The following NDUFAF2 variants were observed in gnomAD, a reference collection of about 807,000 sequenced individuals.
NDUFAF2 encodes the protein NADH:ubiquinone oxidoreductase complex assembly factor 2, also known as NADH dehydrogenase [ubiquinone] 1 alpha subcomplex assembly factor 2.
NDUFAF2 carries 13 observed loss-of-function variants against 22.8 expected under a neutral mutation model. The ratio of observed to expected loss-of-function variants is 0.57; its 90% CI spans 0.37 to 0.91. The LOEUF (loss-of-function observed/expected upper bound fraction) is 0.91, where lower values mean the gene tolerates loss of function less well. Ranked by LOEUF, NDUFAF2 falls within the 40% of genes least tolerant of loss-of-function variation. NDUFAF2 has a pLI of 0.01. For missense variants in NDUFAF2, 162 were observed against 195.2 expected (o/e 0.83, Z 1.01); for synonymous variants, 53 against 64.2 (o/e 0.83, Z 0.84).
intron 3 of NDUFAF2, among the ~76,000 whole-genome samples, chr5:61,148,982 ATT>A: frequency 6.6e-6 from 1 of 152,202 alleles, no homozygotes; most frequent in South Asian, 2.1e-4. Context: ...TTATTCATTT[ATT>A]TTTTGAGACA....
chr5:61,115,516 GCTTCTATTTGGACCTCTTGCT>G (rs1752900941), intron 3 of NDUFAF2: 2 of 152,090 alleles, frequency 1.3e-5, no homozygotes, highest in African/African-American at 4.8e-5. Flanking sequence ...ATTAATGGAG[GCTTCTATTTGGACCTCTTGCT>G]CCCCTCTCCT....
intron 3 of NDUFAF2, among the ~76,000 whole-genome samples, chr5:61,142,057 C>T (rs572370374): frequency 1.5e-4 from 23 of 152,266 alleles, no homozygotes; most frequent in African/African-American, 5.5e-4. Context: ...TGCTTTTTCT[C>T]CCAGGGATTA....
At chr5:61,024,121 G>A (rs1236238832) in intron 1 of NDUFAF2, among the ~76,000 whole-genome samples, 1 of 151,928 alleles carries the variant, frequency 6.6e-6, no homozygotes, top group African/African-American at 2.4e-5. Context: ...TTACATATTG[G>A]CTTGGACTAT....
chr5:60,965,613 T>C (rs899276960), intron 1 of NDUFAF2, among the ~76,000 whole-genome samples: 2 of 152,148 alleles, frequency 1.3e-5, no homozygotes, highest in Non-Finnish European at 2.9e-5. Context: ...TGAAATCATG[T>C]GGTATATTTG....
chr5:61,041,589 T>C (rs1057001783), intron 1 of NDUFAF2, among the ~76,000 whole-genome samples: 4 of 152,216 alleles, frequency 2.6e-5, no homozygotes, highest in African/African-American at 9.6e-5. Context: ...TTGGTAGACT[T>C]AACTATGTGA....
At chr5:60,953,828 A>C (rs568001974) in intron 1 of NDUFAF2, among the ~76,000 whole-genome samples, 1 of 152,320 alleles carries the variant, frequency 6.6e-6, no homozygotes, top group African/African-American at 2.4e-5. Context: ...TTTAAAATGC[A>C]TGATTACATT....
At chr5:61,050,926 A>C (rs1752016908) in intron 1 of NDUFAF2, among the ~76,000 whole-genome samples, 1 of 152,154 alleles carries the variant, frequency 6.6e-6, no homozygotes, top group African/African-American at 2.4e-5. Context: ...GGCAGGAAAA[A>C]AAGAACTCTA....
At chr5:61,007,071 G>A (rs1184043212) in intron 1 of NDUFAF2, among the ~76,000 whole-genome samples, 1 of 152,076 alleles carries the variant, frequency 6.6e-6, no homozygotes, top group Non-Finnish European at 1.5e-5. Flanking sequence ...TAGATTGCCT[G>A]TTCATTCTGA....
At chr5:60,987,010 A>T (rs1751090657) in intron 1 of NDUFAF2, among the ~76,000 whole-genome samples, 1 of 151,750 alleles carries the variant, frequency 6.6e-6, no homozygotes, top group Non-Finnish European at 1.5e-5. Flanking sequence ...TTTTTTTGAA[A>T]GAATTAATAA....
At chr5:61,117,566 G>A (rs1382107974) in intron 3 of NDUFAF2, among the ~76,000 whole-genome samples, 1 of 151,928 alleles carries the variant, frequency 6.6e-6, no homozygotes, top group Non-Finnish European at 1.5e-5. Context: ...ATGTTGCCTA[G>A]GTTTATCTGC....
At chr5:61,033,893 A>T (rs1046409158) in intron 1 of NDUFAF2, among the ~76,000 whole-genome samples, 6 of 152,162 alleles carry the variant, frequency 3.9e-5, no homozygotes, top group African/African-American at 1.4e-4. Context: ...AATAAATACA[A>T]CCTGTTTCAT....
intron 3 of NDUFAF2, chr5:61,116,720 T>A (rs1054778988): frequency 6.6e-6 from 1 of 152,112 alleles, no homozygotes; most frequent in East Asian, 1.9e-4. Context: ...AAACCCTTTC[T>A]CACAAAGTGA....
chr5:61,029,031 T>C (rs1751691423), intron 1 of NDUFAF2, among the ~76,000 whole-genome samples: 1 of 152,112 alleles, frequency 6.6e-6, no homozygotes, highest in Admixed American at 6.6e-5. Flanking sequence ...CAGACCACTT[T>C]TCAGCAATCT....
At chr5:61,016,903 TGGCCACACTTGGTAAGATCA>T (rs1751518403) in intron 1 of NDUFAF2, among the ~76,000 whole-genome samples, 1 of 152,218 alleles carries the variant, frequency 6.6e-6, no homozygotes, top group Non-Finnish European at 1.5e-5. Flanking sequence ...ACCTGGTGCC[TGGCCACACTTGGTAAGATCA>T]GGCCTATCCC....
chr5:61,119,553 A>G (rs547566832), intron 3 of NDUFAF2, among the ~76,000 whole-genome samples: 1 of 152,346 alleles, frequency 6.6e-6, no homozygotes. Context: ...AAAGCTGGAA[A>G]GGATATATCC....
chr5:60,958,403 C>A (rs1393140769), intron 1 of NDUFAF2, among the ~76,000 whole-genome samples: 1 of 152,036 alleles, frequency 6.6e-6, no homozygotes, highest in East Asian at 1.9e-4. Flanking sequence ...ATTGAAAACA[C>A]ATTTTTTTCA....
intron 1 of NDUFAF2, among the ~76,000 whole-genome samples, chr5:61,048,930 G>T (rs1307339571): frequency 6.6e-6 from 1 of 152,086 alleles, no homozygotes; most frequent in Non-Finnish European, 1.5e-5. Context: ...ACTTTTTCAG[G>T]CTGCGTGGTT....
chr5:61,143,960 T>TTGTGTGTGTG (rs58281805), intron 3 of NDUFAF2, among the ~76,000 whole-genome samples: 14 of 98,222 alleles, frequency 1.4e-4, no homozygotes, highest in South Asian at 3.0e-4. Context: ...TGGCATATTT[T>TTGTGTGTGTG]TGTGTGTGTG....
chr5:61,134,722 C>A (rs574763023), intron 3 of NDUFAF2, among the ~76,000 whole-genome samples: 1 of 151,980 alleles, frequency 6.6e-6, no homozygotes, highest in Non-Finnish European at 1.5e-5. Flanking sequence ...AATTAATTCC[C>A]CCCCCAAAAT....
Sources: gnomAD v4.1 joint callset for allele counts (sites outside exome capture counted in the v4.1 genomes callset) on GRCh38, gnomAD v4.1.1 for gene constraint, MANE v1.5 for transcripts, NCBI Gene and HGNC (gene_info 2026-07-23, HGNC 2026-07-21) for gene names.